The following FARS2 variants were observed in gnomAD, a reference collection of about 807,000 sequenced individuals.
The protein encoded by FARS2 is phenylalanine--tRNA ligase, mitochondrial.
A neutral mutation model predicts 46.4 loss-of-function variants in FARS2; 40 were observed. The ratio of observed to expected loss-of-function variants is 0.86; its 90% CI spans 0.67 to 1.12. The LOEUF is 1.12. Among genes scored for constraint, FARS2 ranks in the 50% most tolerant of loss-of-function variants. The pLI, the probability that FARS2 is intolerant of heterozygous loss-of-function variation, is 0.00. For missense variants in FARS2, 513 were observed against 567.9 expected, an observed-to-expected ratio of 0.90 and a Z score of 0.98; for synonymous variants, 234 against 214.9, an observed-to-expected ratio of 1.09 and a Z score of -0.78.
At chr6:5,636,199 G>A (rs1436684109) in intron 6 of FARS2, among the ~76,000 whole-genome samples, 8 of 152,134 alleles carry the variant, frequency 5.3e-5, no homozygotes, top group African/African-American at 1.9e-4. Context: ...CTAACAAAAT[G>A]AGCAACTCTT....
At chr6:5,284,428 G>C (rs1002009609) in intron 1 of FARS2, among the ~76,000 whole-genome samples, 7 of 152,178 alleles carry the variant, frequency 4.6e-5, no homozygotes, top group Non-Finnish European at 8.8e-5. Flanking sequence ...GGACAAGTTA[G>C]AGAAATAGAT....
chr6:5,404,048 T>G (rs1761412844), intron 2 of FARS2, among the ~76,000 whole-genome samples: 1 of 152,238 alleles, frequency 6.6e-6, no homozygotes. Flanking sequence ...ATCACTTGCC[T>G]AAGTTTACAC....
At chr6:5,697,572 CAAG>C (rs1366027664) in intron 6 of FARS2, among the ~76,000 whole-genome samples, 3 of 152,130 alleles carry the variant, frequency 2.0e-5, no homozygotes, top group Non-Finnish European at 2.9e-5. Flanking sequence ...CTGTCTGATG[CAAG>C]AAGAATATTT....
intron 5 of FARS2, among the ~76,000 whole-genome samples, chr6:5,599,679 C>A (rs1252753893): frequency 1.3e-5 from 2 of 152,190 alleles, no homozygotes; most frequent in Non-Finnish European, 2.9e-5. Flanking sequence ...GATATGTGAT[C>A]TCCACAGTCA....
chr6:5,308,736 GGTATATGGCTATCAACT>G (rs1416509338), intron 1 of FARS2, among the ~76,000 whole-genome samples: 1 of 152,068 alleles, frequency 6.6e-6, no homozygotes, highest in African/African-American at 2.4e-5. Flanking sequence ...ATCAAGCCGT[GGTATATGGCTATCAACT>G]GTATTAGTTC....
In FARS2 at chr6:5,611,057, A is replaced by G. The variant is rs553065875; in HGVS notation, c.1066-2112A>G. Among the ~76,000 whole-genome samples the G allele has an allele frequency of 9.2e-5, 14 of 152,350 alleles. No individual in the cohort carries two copies. In the East Asian group the frequency reaches 1.5e-3, roughly 17 times the overall value. On this transcript the variant is annotated intron_variant, in intron 5 of 6. Coordinates refer to ENST00000274680, the MANE Select transcript of FARS2 (RefSeq NM_006567.5). ...GTAACAGGGACTGTGCACAGTAAGG[A>G]GATTCCAGAGGTGGAGACAGAGATG...
intron 5 of FARS2, among the ~76,000 whole-genome samples, chr6:5,605,616 C>A (rs570611095): frequency 1.6e-4 from 24 of 152,344 alleles, no homozygotes; most frequent in African/African-American, 5.5e-4. Context: ...AATTATCTCC[C>A]ATGCAGGCCA....
chr6:5,369,396 C>G (rs1407179380), intron 2 of FARS2, among the ~76,000 whole-genome samples: 1 of 152,034 alleles, frequency 6.6e-6, no homozygotes, highest in Non-Finnish European at 1.5e-5. Flanking sequence ...ATTGGTAAGC[C>G]TTAGTTTCCA....
chr6:5,366,377 G>A (rs891426966), intron 1 of FARS2, among the ~76,000 whole-genome samples: 6 of 152,110 alleles, frequency 3.9e-5, no homozygotes, highest in Admixed American at 1.3e-4. Flanking sequence ...AGAGAAATTC[G>A]ATAGAGGTAG....
chr6:5,763,477 A>C (rs1762593146), intron 6 of FARS2, among the ~76,000 whole-genome samples: 1 of 152,132 alleles, frequency 6.6e-6, no homozygotes, highest in Non-Finnish European at 1.5e-5. Context: ...AATAAATAAA[A>C]GGATCTCTTC....
At chr6:5,602,371 C>T (rs552783221) in intron 5 of FARS2, among the ~76,000 whole-genome samples, 1 of 152,058 alleles carries the variant, frequency 6.6e-6, no homozygotes, top group African/African-American at 2.4e-5. Flanking sequence ...AACCTCCAGC[C>T]GGGTGCAGTG....
At chr6:5,732,042 G>T (rs901555314) in intron 6 of FARS2, among the ~76,000 whole-genome samples, 2 of 152,212 alleles carry the variant, frequency 1.3e-5, no homozygotes, top group African/African-American at 4.8e-5. Flanking sequence ...CACTGAGACA[G>T]CTGTCCCCGA....
At chr6:5,684,881 G>A (rs1368651722) in intron 6 of FARS2, among the ~76,000 whole-genome samples, 1 of 152,192 alleles carries the variant, frequency 6.6e-6, no homozygotes, top group Non-Finnish European at 1.5e-5. Context: ...AGCTTCTGAA[G>A]TCATTCAGAT....
At chr6:5,333,328 C>G (rs1300710027) in intron 1 of FARS2, among the ~76,000 whole-genome samples, 3 of 152,118 alleles carry the variant, frequency 2.0e-5, no homozygotes, top group African/African-American at 7.2e-5. Context: ...ATAAGGACAT[C>G]GTGATTTTTT....
chr6:5,705,082 A>T (rs1248152865), intron 6 of FARS2, among the ~76,000 whole-genome samples: 1 of 152,224 alleles, frequency 6.6e-6, no homozygotes, highest in South Asian at 2.1e-4. Flanking sequence ...GAATTAAAAT[A>T]ACAGTGCTTT....
At chr6:5,376,947 T>A (rs1243669246) in intron 2 of FARS2, among the ~76,000 whole-genome samples, 1 of 152,120 alleles carries the variant, frequency 6.6e-6, no homozygotes, top group African/African-American at 2.4e-5. Flanking sequence ...GGAAGGAGGG[T>A]GAATGAGATC....
At position 5,672,230 on chromosome 6, in the gene FARS2, C is replaced by A. The variant is rs541674143; in HGVS notation, c.1217+58910C>A. 5.3e-5 allele frequency among the ~76,000 whole-genome samples: 8 copies of A among 152,262 alleles called. No homozygotes were observed. In the East Asian group the frequency reaches 1.5e-3, roughly 29 times the overall value. On this transcript the variant is annotated intron_variant, in intron 6 of 6. Transcript: ENST00000274680. ...TCACCGACCCAAAGTGCAGAGCTAGCAGGGTAGGCACACCCACCCGTGCCT... is the reference window on the plus strand; with the variant it reads ...TCACCGACCCAAAGTGCAGAGCTAGAAGGGTAGGCACACCCACCCGTGCCT...
In FARS2 at chr6:5,519,256, C is replaced by T. The variant is rs140843924; in HGVS notation, c.905-25924C>T. ...TGTAAGATAGATTGGCTTTAGAAGG[C>T]AGCTTTGGCATCAGAGGCTAGGGGC... On this transcript the variant is annotated intron_variant, in intron 4 of 6. Transcript: ENST00000274680. Among the ~76,000 whole-genome samples the T allele has an allele frequency of 7.2e-5, 11 of 152,254 alleles. No homozygotes were observed. The East Asian group carries it at 2.1e-3, about 29-fold the overall frequency.
intron 5 of FARS2, among the ~76,000 whole-genome samples, chr6:5,566,379 C>T (rs1489532275): frequency 6.6e-6 from 1 of 152,064 alleles, no homozygotes; most frequent in East Asian, 1.9e-4. Context: ...TCTGATACCC[C>T]CAAAACTCAA....
Sources: gnomAD v4.1 joint callset for allele counts (sites outside exome capture counted in the v4.1 genomes callset) on GRCh38, gnomAD v4.1.1 for gene constraint, MANE v1.5 for transcripts, NCBI Gene and HGNC (gene_info 2026-07-23, HGNC 2026-07-21) for gene names.